Variants in CFAP47 observed in about 807,000 individuals in gnomAD.
The protein encoded by CFAP47 is cilia and flagella associated protein 47.
CFAP47 carries 29 observed loss-of-function variants against 148.1 expected under a neutral mutation model. That is an observed-to-expected ratio of 0.20 (90% CI 0.15 to 0.27). The LOEUF (loss-of-function observed/expected upper bound fraction) is 0.27. CFAP47 is among the 10% of genes least tolerant of loss of function. The pLI is 1.00. For synonymous variants in CFAP47, 664 were observed against 577.3 expected, an observed-to-expected ratio of 1.15 and a Z score of -2.15; for missense variants, 1,872 against 1,697.5, an observed-to-expected ratio of 1.10 and a Z score of -1.81.
At chrX:36,358,377 T>C (rs782171839) in intron 60 of CFAP47, among the ~76,000 whole-genome samples, 1 of 111,917 alleles carries the variant, frequency 8.9e-6, no homozygotes, top group South Asian at 3.8e-4. Flanking sequence ...GACCTAACTT[T>C]TTGAGTGCCC....
intron 37 of CFAP47, among the ~76,000 whole-genome samples, chrX:36,149,491 T>C (rs1939279395): frequency 1.8e-5 from 2 of 110,650 alleles, no homozygotes; most frequent in Non-Finnish European, 3.8e-5. Context: ...GACTATAAGT[T>C]GGTTTGTTGT....
intron 50 of CFAP47, among the ~76,000 whole-genome samples, chrX:36,282,620 A>C (rs782764587): frequency 1.3e-4 from 15 of 111,496 alleles, no homozygotes; most frequent in Non-Finnish European, 2.6e-4. Flanking sequence ...CAGTGTATTT[A>C]TTTTCAATTA....
At chrX:36,285,755 CTG>C in intron 51 of CFAP47, 29 bp downstream of exon 51, 9 of 1,098,473 alleles carry the variant, frequency 8.2e-6, no homozygotes, top group Non-Finnish European at 1.1e-5. Flanking sequence ...TTCATAGACT[CTG>C]TCATTTTGTG....
chrX:35,994,764 G>T (rs892561342), intron 18 of CFAP47, among the ~76,000 whole-genome samples: 31 of 110,099 alleles, frequency 2.8e-4, no homozygotes, highest in African/African-American at 7.9e-4. Context: ...ATTATGCTGG[G>T]TTTTTTTTCT....
At chrX:36,256,883 A>G (rs1300281503) in intron 49 of CFAP47, among the ~76,000 whole-genome samples, 1 of 112,116 alleles carries the variant, frequency 8.9e-6, no homozygotes, top group East Asian at 2.8e-4. Context: ...GTCATCTCCA[A>G]TGATGACCCA....
At chrX:36,251,754 G>A (rs1044632260) in intron 49 of CFAP47, among the ~76,000 whole-genome samples, 14 of 111,151 alleles carry the variant, frequency 1.3e-4, no homozygotes, top group East Asian at 5.6e-4. Flanking sequence ...ACTTATACCC[G>A]CGTATCAACC....
chrX:35,974,541 A>C (rs1936540596), intron 13 of CFAP47, among the ~76,000 whole-genome samples: 1 of 111,237 alleles, frequency 9.0e-6, no homozygotes, highest in African/African-American at 3.3e-5. Flanking sequence ...AAAGGGGCAC[A>C]AAATTTTTGG....
intron 23 of CFAP47, among the ~76,000 whole-genome samples, chrX:36,033,253 G>T (rs1203780258): frequency 2.7e-5 from 3 of 111,938 alleles, no homozygotes; most frequent in African/African-American, 9.7e-5. Context: ...GGCTAAAATT[G>T]GTTGCTTCTG....
At chrX:35,988,671 TAAGTTATTGTTTCCATTA>T (rs1346219009) in intron 15 of CFAP47, among the ~76,000 whole-genome samples, 2 of 111,913 alleles carry the variant, frequency 1.8e-5, no homozygotes, top group African/African-American at 3.3e-5. Context: ...GAAGAACATC[TAAGTTATTGTTTCCATTA>T]AGTAATATTT....
intron 21 of CFAP47, among the ~76,000 whole-genome samples, chrX:36,010,474 T>C (rs934956758): frequency 9.2e-6 from 1 of 108,390 alleles, no homozygotes; most frequent in Admixed American, 9.9e-5. Flanking sequence ...TTTTTTTTTT[T>C]TGAGATGGAG....
intron 3 of CFAP47, among the ~76,000 whole-genome samples, chrX:35,943,840 G>A (rs1025774609): frequency 3.6e-5 from 4 of 110,880 alleles, no homozygotes; most frequent in Non-Finnish European, 7.6e-5. Flanking sequence ...GTGGGCACAT[G>A]GTAGGTGTAT....
rs782239706 is a variant in CFAP47, at chrX:36,193,890, A to G, written c.6321+3694A>G. On this transcript the variant is annotated intron_variant, in intron 42 of 63. Transcript: ENST00000378653. ...ATTGTCAGTTATTTATTTTTGGGCT[A>G]CTCTCTTGGTTCCTTATCAACGGTA... Among the ~76,000 whole-genome samples, 5 of 111,090 alleles carry G rather than the reference A, an allele frequency of 4.5e-5. No individual in the cohort carries two copies. In the East Asian group the frequency reaches 1.1e-3, roughly 25 times the overall value.
At chrX:36,141,111 C>T (rs1167672289) in intron 35 of CFAP47, among the ~76,000 whole-genome samples, 2 of 101,902 alleles carry the variant, frequency 2.0e-5, no homozygotes, top group Non-Finnish European at 4.0e-5. Context: ...GACACAGAAA[C>T]AATAGGATAT....
At chrX:36,071,407 G>A (rs1937749581) in intron 27 of CFAP47, among the ~76,000 whole-genome samples, 1 of 112,359 alleles carries the variant, frequency 8.9e-6, no homozygotes. Flanking sequence ...ATTACAGAGA[G>A]TTAACTAGGA....
chrX:36,201,894 G>A (rs1939984752), intron 44 of CFAP47, among the ~76,000 whole-genome samples: 1 of 111,205 alleles, frequency 9.0e-6, no homozygotes, highest in Non-Finnish European at 1.9e-5. Context: ...ATTTTGCTGT[G>A]TAGCCAGGTA....
chrX:35,991,551 G>C (rs1936789243), intron 16 of CFAP47, among the ~76,000 whole-genome samples: 1 of 109,912 alleles, frequency 9.1e-6, no homozygotes, highest in Non-Finnish European at 1.9e-5. Flanking sequence ...CACAGATTTA[G>C]TTTAAATTTT....
intron 15 of CFAP47, among the ~76,000 whole-genome samples, chrX:35,978,936 G>C (rs898395759): frequency 9.0e-6 from 1 of 111,543 alleles, no homozygotes; most frequent in Non-Finnish European, 1.9e-5. Flanking sequence ...GTGTTTGATA[G>C]TGGATATTGT....
chrX:36,171,130 T>A (rs1939570697), intron 39 of CFAP47, among the ~76,000 whole-genome samples: 1 of 109,804 alleles, frequency 9.1e-6, no homozygotes, highest in African/African-American at 3.4e-5. Flanking sequence ...CTTTGCCCAC[T>A]TTTTGATGGG....
chrX:36,176,580 C>T (rs754386916), intron 39 of CFAP47, among the ~76,000 whole-genome samples: 6 of 111,855 alleles, frequency 5.4e-5, no homozygotes, highest in Admixed American at 1.9e-4. Context: ...ATTAGAATCA[C>T]GTTGTTCTAG....
Sources: gnomAD v4.1 joint callset for allele counts (sites outside exome capture counted in the v4.1 genomes callset) on GRCh38, gnomAD v4.1.1 for gene constraint, MANE v1.5 for transcripts, NCBI Gene and HGNC (gene_info 2026-07-23, HGNC 2026-07-21) for gene names.